The following ZFHX4 variants were observed in gnomAD, a reference collection of about 807,000 sequenced individuals.
ZFHX4 encodes the protein zinc finger homeobox protein 4.
In ZFHX4, 56 loss-of-function variants were observed where a neutral mutation model predicts 267.6. That is an observed-to-expected ratio of 0.21 (90% CI 0.17 to 0.26). The LOEUF is 0.26. Among genes scored for constraint, ZFHX4 ranks in the 10% least tolerant of loss-of-function variants. The probability of loss-of-function intolerance (pLI) is 1.00; values close to 1 mark genes in which losing one functional copy is unlikely to be tolerated. For missense variants in ZFHX4, 4,332 were observed against 4,420.0 expected (o/e 0.98, Z 0.56); for synonymous variants, 1,778 against 1,665.6 (o/e 1.07, Z -1.64).
chr8:76,719,347 A>G (rs1808660466), intron 3 of ZFHX4, among the ~76,000 whole-genome samples: 1 of 152,052 alleles, frequency 6.6e-6, no homozygotes, highest in Non-Finnish European at 1.5e-5. Context: ...GTTCCTAGAG[A>G]TAATAAACCT....
In ZFHX4 at chr8:76,707,635, C is replaced by G; in HGVS notation, c.2680C>G (p.Pro894Ala). Residue 894 changes from proline to alanine, a missense_variant, in exon 3 of 11, where the codon CCT (proline) becomes GCT (alanine). This residue lies in a region of ZFHX4 where 1,195 missense variants were observed against 1,173.6 expected (regional missense o/e 1.02). Coordinates refer to ENST00000651372, the MANE Select transcript of ZFHX4 (RefSeq NM_024721.5). ...CCTCCTTACTGCAGGAGAGCTGTCA[C>G]CTTATATCAGTGACCCAGCGCTGAA... ...LSLLTAGELS[P>A]YISDPALKLF... is the part of the protein sequence containing the mutation. 6.2e-7 allele frequency: 1 copy of G among 1,613,830 alleles called. No homozygotes were observed. Among genetic ancestry groups the G allele is most frequent in the Non-Finnish European group, 8.5e-7 (1 of 1,179,872 alleles).
intron 3 of ZFHX4, among the ~76,000 whole-genome samples, chr8:76,712,202 T>C (rs749507571): frequency 2.0e-5 from 3 of 152,196 alleles, no homozygotes; most frequent in Non-Finnish European, 4.4e-5. Flanking sequence ...TAACTTTTAG[T>C]GTAACATTCC....
chr8:76,803,274 G>A (rs1019333380), intron 4 of ZFHX4, among the ~76,000 whole-genome samples: 3 of 152,042 alleles, frequency 2.0e-5, no homozygotes, highest in African/African-American at 7.2e-5. Context: ...GTGTGTGTGT[G>A]TGTGTGTGTG....
At chr8:76,847,902 C>T (rs941645314) in intron 6 of ZFHX4, among the ~76,000 whole-genome samples, 5 of 151,916 alleles carry the variant, frequency 3.3e-5, no homozygotes, top group African/African-American at 9.7e-5. Flanking sequence ...AATCAGATTA[C>T]GCCTGGACTA....
In ZFHX4 at chr8:76,852,526, A is replaced by G. The variant is rs780911172; in HGVS notation, c.5605A>G (p.Lys1869Glu). 107 of 1,608,798 alleles carry G rather than the reference A, an allele frequency of 6.7e-5. 4 individuals are homozygous for G. The South Asian group carries it at 1.2e-3, about 17-fold the overall frequency. Residue 1869 changes from lysine (K) to glutamate (E), a missense_variant, in exon 10 of 11, where the codon AAG (lysine) becomes GAG (glutamate). Around this residue, in one of 7 missense-constraint regions of ZFHX4, gnomAD observed 1,371 missense variants for 1,423.1 expected, o/e 0.96. Transcript: ENST00000651372. ...EDISEKPEKP[K>E]QEFISEGEGL... is the part of the protein sequence containing the mutation. ...TATTTCTGAAAAGCCAGAAAAACCA[A>G]AGCAGGAATTTATAAGTGAAGGTGA...
At position 76,705,812 on chromosome 8, in the gene ZFHX4, G is replaced by C; in HGVS notation, c.1724G>C (p.Ser575Thr). ...SKDSATAAHP[S>T]EIARGDEDSS... ...GACAGTGCCACAGCTGCTCATCCAAGTGAAATAGCCCGGGGAGACGAAGAC... is the reference window on the plus strand; with the variant it reads ...GACAGTGCCACAGCTGCTCATCCAACTGAAATAGCCCGGGGAGACGAAGAC... The change falls in exon 2 of 11, where the codon AGT becomes ACT. Residue 575 changes from serine to threonine, a missense_variant. Transcript: ENST00000651372. The C allele has an allele frequency of 1.2e-6, 2 of 1,613,976 alleles. No individual in the cohort carries two copies. The highest frequency in any genetic ancestry group is 1.7e-6 in the Non-Finnish European group (2 of 1,179,904).
intron 4 of ZFHX4, among the ~76,000 whole-genome samples, chr8:76,824,340 G>T (rs1811730992): frequency 6.6e-6 from 1 of 152,168 alleles, no homozygotes; most frequent in Non-Finnish European, 1.5e-5. Flanking sequence ...CAATATTTGT[G>T]TACAGATGAA....
At chr8:76,724,655 G>C (rs1808806927) in intron 3 of ZFHX4, among the ~76,000 whole-genome samples, 1 of 152,060 alleles carries the variant, frequency 6.6e-6, no homozygotes, top group Non-Finnish European at 1.5e-5. Context: ...AATACTCAAA[G>C]CTTCTGGATC....
intron 3 of ZFHX4, among the ~76,000 whole-genome samples, chr8:76,769,011 T>C (rs965998116): frequency 4.8e-4 from 73 of 152,010 alleles, no homozygotes; most frequent in African/African-American, 1.7e-3. Context: ...GGCAGGAGGA[T>C]TGCTTGAGCC....
intron 3 of ZFHX4, among the ~76,000 whole-genome samples, chr8:76,730,470 G>T (rs897502411): frequency 6.6e-6 from 1 of 152,240 alleles, no homozygotes; most frequent in African/African-American, 2.4e-5. Flanking sequence ...GGAAGCTGAG[G>T]CAGGTGGATC....
chr8:76,713,331 G>C (rs1032471089), intron 3 of ZFHX4, among the ~76,000 whole-genome samples: 1 of 151,744 alleles, frequency 6.6e-6, no homozygotes, highest in Non-Finnish European at 1.5e-5. Context: ...TAGACAGATA[G>C]ATAGATATCA....
intron 2 of ZFHX4, 50 bp downstream of exon 2, chr8:76,706,728 T>C (rs1192289741): frequency 6.1e-6 from 9 of 1,464,430 alleles, no homozygotes; most frequent in Admixed American, 2.7e-5. Context: ...AATCACATTT[T>C]GATTTGGCGT....
rs545519480 is a variant in ZFHX4 at position 76,855,548 on chromosome 8, A to T, written c.8627A>T (p.Asn2876Ile). The T allele has an allele frequency of 6.2e-7, 1 of 1,613,908 alleles. No homozygotes were observed. The highest frequency in any genetic ancestry group is 1.7e-5 in the Admixed American group (1 of 60,000). The change falls in exon 10 of 11, where the codon AAT (asparagine) becomes ATT (isoleucine). Residue 2876 changes from asparagine to isoleucine, a missense_variant. This residue lies in a region of ZFHX4 where 1,648 missense variants were observed against 1,625.0 expected (regional missense o/e 1.01). Coordinates refer to ENST00000651372, the MANE Select transcript of ZFHX4 (RefSeq NM_024721.5). ...FSLTSPSIHFNDKDGDHDQSF... is the reference protein window; with the variant it reads ...FSLTSPSIHFIDKDGDHDQSF... Reference sequence around the variant, plus strand: ...CTCACAAGCCCATCCATCCATTTCAATGACAAAGATGGCGACCACGACCAA... The same window carrying T: ...CTCACAAGCCCATCCATCCATTTCATTGACAAAGATGGCGACCACGACCAA...
chr8:76,730,153 G>A (rs1236521833), intron 3 of ZFHX4, among the ~76,000 whole-genome samples: 3 of 152,124 alleles, frequency 2.0e-5, no homozygotes, highest in South Asian at 2.1e-4. Context: ...AGACCTTGAG[G>A]AGTCTCCTTC....
chr8:76,800,704 A>G (rs982705109), intron 4 of ZFHX4, among the ~76,000 whole-genome samples: 12 of 152,220 alleles, frequency 7.9e-5, no homozygotes, highest in African/African-American at 2.7e-4. Flanking sequence ...GGATCAGCAG[A>G]CTTCACGCTT....
At chr8:76,761,375 T>G (rs753773231) in intron 3 of ZFHX4, among the ~76,000 whole-genome samples, 6 of 152,230 alleles carry the variant, frequency 3.9e-5, no homozygotes, top group African/African-American at 7.2e-5. Context: ...TTATTTATCC[T>G]TGTAAATTCA....
chr8:76,701,683 G>C (rs1808107284), intron 1 of ZFHX4, among the ~76,000 whole-genome samples: 1 of 152,160 alleles, frequency 6.6e-6, no homozygotes. Context: ...TTTGTGGGAT[G>C]AGAACTGTTT....
intron 3 of ZFHX4, among the ~76,000 whole-genome samples, chr8:76,759,235 A>T (rs1045846683): frequency 1.3e-4 from 20 of 152,208 alleles, no homozygotes; most frequent in Admixed American, 1.3e-3. Flanking sequence ...AAGAAATGTT[A>T]AACTAGGTAA....
chr8:76,721,693 GA>G (rs1808725159), intron 3 of ZFHX4, among the ~76,000 whole-genome samples: 1 of 152,032 alleles, frequency 6.6e-6, no homozygotes, highest in South Asian at 2.1e-4. Context: ...GGTATTTGGG[GA>G]AAAATTAGAT....
Sources: gnomAD v4.1 joint callset for allele counts (sites outside exome capture counted in the v4.1 genomes callset) on GRCh38, gnomAD v4.1.1 for gene constraint, gnomAD v4.1.1 regional missense constraint, MANE v1.5 for transcripts, NCBI Gene and HGNC (gene_info 2026-07-23, HGNC 2026-07-21) for gene names.